QKI: variants seen among roughly 807,000 people sequenced by gnomAD.
QKI encodes the protein QKI, KH domain containing RNA binding.
A neutral mutation model predicts 39.0 loss-of-function variants in QKI; 10 were observed. The observed-to-expected ratio is 0.26, with a 90% CI of 0.16 to 0.43. The LOEUF (loss-of-function observed/expected upper bound fraction) is 0.43. QKI is among the 20% of genes least tolerant of loss of function. The pLI, the probability that QKI is intolerant of heterozygous loss-of-function variation, is 1.00. For missense variants in QKI, 218 were observed against 428.0 expected (o/e 0.51, Z 4.33); for synonymous variants, 204 against 155.4 (o/e 1.31, Z -2.33).
chr6:163,476,216 T>C (rs1284830932), intron 2 of QKI, among the ~76,000 whole-genome samples: 2 of 151,722 alleles, frequency 1.3e-5, no homozygotes, highest in East Asian at 3.9e-4. Context: ...ATTTTTATAC[T>C]ATACGGAGGA....
chr6:163,519,690 A>G (rs1780033528), intron 3 of QKI, among the ~76,000 whole-genome samples: 1 of 152,006 alleles, frequency 6.6e-6, no homozygotes, highest in Non-Finnish European at 1.5e-5. Context: ...CGTTTTCAAA[A>G]AGATGTTTTC....
intron 3 of QKI, among the ~76,000 whole-genome samples, chr6:163,506,997 C>A (rs4708996): frequency 0.65 from 99,111 of 151,980 alleles, 33,465 homozygotes; most frequent in East Asian, 1. Flanking sequence ...AACTAGAAGA[C>A]CAACTTGATT....
intron 4 of QKI, among the ~76,000 whole-genome samples, chr6:163,550,148 T>C (rs1333913358): frequency 6.6e-6 from 1 of 152,220 alleles, no homozygotes; most frequent in Non-Finnish European, 1.5e-5. Context: ...ATTTCTTTGT[T>C]ATGGAGGCTG....
chr6:163,557,940 C>T (rs16895112), intron 4 of QKI, among the ~76,000 whole-genome samples: 7,340 of 152,064 alleles, frequency 0.048, 604 homozygotes, highest in African/African-American at 0.17. Flanking sequence ...ACTTAGGAAA[C>T]CAGAAGCTAT....
chr6:163,570,197 A>G (rs1189839782), intron 7 of QKI: 3 of 984,098 alleles, frequency 3.0e-6, no homozygotes, highest in Non-Finnish European at 3.6e-6. Flanking sequence ...AGAATTTTGA[A>G]TTTCTTTAGA....
chr6:163,437,602 A>T (rs989044849), intron 1 of QKI, among the ~76,000 whole-genome samples: 1 of 152,202 alleles, frequency 6.6e-6, no homozygotes, highest in African/African-American at 2.4e-5. Flanking sequence ...TTTTAGAATC[A>T]TGTGTTGAAC....
chr6:163,514,507 A>G (rs1207210792), intron 3 of QKI, among the ~76,000 whole-genome samples: 2 of 152,166 alleles, frequency 1.3e-5, no homozygotes, highest in Admixed American at 6.5e-5. Flanking sequence ...GGTAGTTGGG[A>G]CAGTTCTAAA....
chr6:163,498,582 G>C (rs1778554367), intron 3 of QKI, among the ~76,000 whole-genome samples: 2 of 151,212 alleles, frequency 1.3e-5, no homozygotes, highest in South Asian at 4.2e-4. Context: ...TCTTCCTTTT[G>C]TTCTTATGTC....
At chr6:163,505,476 G>C (rs1779036487) in intron 3 of QKI, among the ~76,000 whole-genome samples, 1 of 152,192 alleles carries the variant, frequency 6.6e-6, no homozygotes, top group African/African-American at 2.4e-5. Context: ...GGACAGTGCT[G>C]CCCAGTGCTG....
chr6:163,429,409 CAT>C (rs1355252176), intron 1 of QKI, among the ~76,000 whole-genome samples: 1 of 151,982 alleles, frequency 6.6e-6, no homozygotes, highest in East Asian at 1.9e-4. Context: ...AAAATTATAT[CAT>C]GAGCAAAATT....
At chr6:163,482,172 G>A (rs549529228) in intron 3 of QKI, among the ~76,000 whole-genome samples, 1 of 152,170 alleles carries the variant, frequency 6.6e-6, no homozygotes, top group Admixed American at 6.5e-5. Context: ...GTGACAGAAC[G>A]AGACTCTGTC....
chr6:163,437,934 G>T (rs1291576343), intron 1 of QKI, among the ~76,000 whole-genome samples: 1 of 152,188 alleles, frequency 6.6e-6, no homozygotes, highest in Non-Finnish European at 1.5e-5. Context: ...TAAAAAGAGT[G>T]TTGGAAAAGT....
intron 1 of QKI, among the ~76,000 whole-genome samples, chr6:163,419,628 G>A (rs1261325238): frequency 6.6e-6 from 1 of 152,066 alleles, no homozygotes; most frequent in African/African-American, 2.4e-5. Context: ...TGGCAGTCAC[G>A]GAAAAGATCA....
intron 4 of QKI, among the ~76,000 whole-genome samples, chr6:163,536,125 C>A (rs1003690359): frequency 6.6e-6 from 1 of 151,572 alleles, no homozygotes; most frequent in African/African-American, 2.4e-5. Flanking sequence ...GAAATTAATT[C>A]CTTGGAATAA....
chr6:163,422,836 G>T (rs1181331421), intron 1 of QKI, among the ~76,000 whole-genome samples: 1 of 152,198 alleles, frequency 6.6e-6, no homozygotes, highest in African/African-American at 2.4e-5. Context: ...AGAGGTCATT[G>T]TAGAGACTGG....
At chr6:163,560,218 C>T (rs1301044218) in intron 4 of QKI, among the ~76,000 whole-genome samples, 1 of 152,052 alleles carries the variant, frequency 6.6e-6, no homozygotes, top group African/African-American at 2.4e-5. Context: ...AGTGGTGATA[C>T]TCAACAGACT....
chr6:163,458,680 G>C (rs1791123731), intron 2 of QKI, among the ~76,000 whole-genome samples: 1 of 152,114 alleles, frequency 6.6e-6, no homozygotes, highest in Non-Finnish European at 1.5e-5. Context: ...AAATGAAGTA[G>C]TGCTATAGTC....
intron 3 of QKI, among the ~76,000 whole-genome samples, chr6:163,509,543 G>A (rs1779308532): frequency 6.6e-6 from 1 of 152,008 alleles, no homozygotes; most frequent in African/African-American, 2.4e-5. Context: ...GTGGACGTAT[G>A]TGGTTACAGG....
intron 3 of QKI, among the ~76,000 whole-genome samples, chr6:163,495,423 A>T (rs1167935412): frequency 1.3e-5 from 2 of 152,126 alleles, no homozygotes; most frequent in Non-Finnish European, 2.9e-5. Flanking sequence ...ATGTATGTAC[A>T]TATATAAAAT....
Sources: allele counts gnomAD v4.1 joint callset (sites outside exome capture counted in the v4.1 genomes callset), GRCh38; gene constraint gnomAD v4.1.1; transcripts MANE v1.5; gene names NCBI Gene and HGNC (gene_info 2026-07-23, HGNC 2026-07-21).